Variants in UBQLN1 observed in about 807,000 individuals in gnomAD.
UBQLN1 encodes ubiquilin-1.
A neutral mutation model predicts 65.4 loss-of-function variants in UBQLN1; 13 were observed. The ratio of observed to expected loss-of-function variants is 0.20; its 90% CI spans 0.13 to 0.32. The LOEUF (loss-of-function observed/expected upper bound fraction) is 0.32, where lower values mean the gene tolerates loss of function less well. UBQLN1 is among the 10% of genes least tolerant of loss of function. The probability of loss-of-function intolerance (pLI) is 1.00; values close to 1 mark genes in which losing one functional copy is unlikely to be tolerated. For missense variants in UBQLN1, 561 were observed against 724.0 expected (o/e 0.77, Z 2.58); for synonymous variants, 267 against 247.8 (o/e 1.08, Z -0.73).
At chr9:83,699,030 T>C (rs918658546) in intron 1 of UBQLN1, among the ~76,000 whole-genome samples, 4 of 152,140 alleles carry the variant, frequency 2.6e-5, no homozygotes, top group African/African-American at 9.7e-5. Context: ...ATTCCACTTA[T>C]ATGAAATACC....
At chr9:83,665,319 C>T (rs529505722) in intron 8 of UBQLN1, 174 bp from the exon 9 acceptor site, 38 of 476,576 alleles carry the variant, frequency 8.0e-5, no homozygotes, top group African/African-American at 7.0e-4. Flanking sequence ...TGACAGCAAA[C>T]CTAGTGTGCA....
intron 6 of UBQLN1, among the ~76,000 whole-genome samples, chr9:83,676,751 A>T (rs1451509542): frequency 6.6e-6 from 1 of 152,182 alleles, no homozygotes; most frequent in Non-Finnish European, 1.5e-5. Context: ...AAGTACAGGC[A>T]TCTTTTAAAA....
rs1283886321 is a variant in UBQLN1, at chr9:83,668,096, A to G, written c.1248+1089T>C. 4 of 985,378 alleles carry G rather than the reference A, an allele frequency of 4.1e-6. No individual in the cohort carries two copies. In the East Asian group the frequency reaches 3.4e-4, roughly 84 times the overall value. 61.0% of individuals were successfully genotyped at this position (985,378 alleles called of 1,614,324 possible). On this transcript the variant is annotated intron_variant, in intron 7 of 10. Coordinates refer to ENST00000376395, the MANE Select transcript of UBQLN1 (RefSeq NM_013438.5). ...GTAAATTGAAGCATTTAATACTAAC[A>G]ACTCAGTCTGATAAGTTTCATATGC...
chr9:83,662,009 T>A (rs1207394572), intron 10 of UBQLN1, 70 bp from the exon 11 acceptor site: 4 of 1,455,860 alleles, frequency 2.7e-6, no homozygotes, highest in African/African-American at 1.4e-5. Flanking sequence ...ACTTTTAAAA[T>A]TTTTTAATTG....
intron 1 of UBQLN1, among the ~76,000 whole-genome samples, chr9:83,702,732 G>A (rs931270892): frequency 3.9e-5 from 6 of 152,094 alleles, no homozygotes; most frequent in African/African-American, 7.2e-5. Context: ...CCACATGTGG[G>A]TGATGGTATC....
intron 2 of UBQLN1, among the ~76,000 whole-genome samples, chr9:83,683,455 C>A (rs1331817747): frequency 7.5e-5 from 11 of 146,854 alleles, no homozygotes; most frequent in Non-Finnish European, 1.5e-4. Flanking sequence ...GAAATCCTGA[C>A]ATCTAGAAAT....
intron 6 of UBQLN1, among the ~76,000 whole-genome samples, chr9:83,677,267 A>G (rs1777186535): frequency 6.6e-6 from 1 of 152,228 alleles, no homozygotes; most frequent in African/African-American, 2.4e-5. Context: ...AGCTTCCTTT[A>G]AAAAACAAAA....
intron 1 of UBQLN1, among the ~76,000 whole-genome samples, chr9:83,694,900 C>G (rs189200909): frequency 6.6e-6 from 1 of 152,168 alleles, no homozygotes; most frequent in East Asian, 1.9e-4. Context: ...GCTCCTTACC[C>G]ATCATCAGAT....
intron 6 of UBQLN1, among the ~76,000 whole-genome samples, chr9:83,673,262 G>C (rs911574025): frequency 6.6e-6 from 1 of 150,792 alleles, no homozygotes; most frequent in African/African-American, 2.4e-5. Context: ...TTTTTGGTCG[G>C]GTGCAGTGAC....
intron 6 of UBQLN1, among the ~76,000 whole-genome samples, chr9:83,675,022 G>T (rs1221478968): frequency 2.6e-5 from 4 of 152,158 alleles, no homozygotes; most frequent in Non-Finnish European, 5.9e-5. Context: ...TTATTCATCA[G>T]TAGGTACTCT....
At chr9:83,684,426 C>T (rs978671371) in intron 2 of UBQLN1, among the ~76,000 whole-genome samples, 2 of 151,964 alleles carry the variant, frequency 1.3e-5, no homozygotes, top group Non-Finnish European at 2.9e-5. Flanking sequence ...AACTCCTGAC[C>T]TCAGGTGATC....
chr9:83,681,951 T>C (rs951263493), intron 3 of UBQLN1, among the ~76,000 whole-genome samples: 6 of 152,190 alleles, frequency 3.9e-5, no homozygotes, highest in African/African-American at 1.4e-4. Context: ...TACAAACCGG[T>C]AAAAAGCGTA....
Position 83,663,809 on chromosome 9 carries a change from C to T in UBQLN1, c.1617+66G>A. The T allele has an allele frequency of 7.2e-6, 11 of 1,537,330 alleles. No homozygotes were observed. In the Admixed American group the frequency reaches 1.0e-4, roughly 15 times the overall value. On this transcript the variant is annotated intron_variant, in intron 10 of 10. Coordinates refer to ENST00000376395, the MANE Select transcript of UBQLN1 (RefSeq NM_013438.5). ...TTTCCTTTTTTCTCCCTTTTTCCTT[C>T]TTTTTGGAAATTTCTAAATTTCCAA... is the stretch of plus-strand genomic sequence containing the variant.
intron 6 of UBQLN1, among the ~76,000 whole-genome samples, chr9:83,676,823 C>A (rs376599312): frequency 1.3e-5 from 2 of 152,186 alleles, no homozygotes; most frequent in African/African-American, 4.8e-5. Context: ...CCTACTTATA[C>A]GCCAAGTATT....
chr9:83,664,946 A>AG (rs1196386726), intron 9 of UBQLN1, 84 bp downstream of exon 9: 1 of 697,800 alleles, frequency 1.4e-6, no homozygotes, highest in Non-Finnish European at 2.2e-6. Flanking sequence ...AAAAAAAAAA[A>AG]GGCAGGCAGA....
intron 1 of UBQLN1, among the ~76,000 whole-genome samples, chr9:83,701,977 G>A (rs892258146): frequency 2.6e-5 from 4 of 152,124 alleles, no homozygotes; most frequent in South Asian, 2.1e-4. Flanking sequence ...AATGTTATTC[G>A]GCAATAAAAA....
intron 4 of UBQLN1, among the ~76,000 whole-genome samples, 189 bp downstream of exon 4, chr9:83,679,586 C>T (rs1831906037): frequency 1.3e-5 from 2 of 152,268 alleles, no homozygotes; most frequent in African/African-American, 2.4e-5. Flanking sequence ...TTACAAAGAT[C>T]CTTCAATTTA....
At chr9:83,683,170 T>TG in intron 2 of UBQLN1, 104 bp from the exon 3 acceptor site, 1 of 673,450 alleles carries the variant, frequency 1.5e-6, no homozygotes, top group Non-Finnish European at 2.5e-6. Flanking sequence ...CCCAGCACTT[T>TG]GGGAGGCCGA....
At chr9:83,690,745 C>CAAA (rs34407853) in intron 1 of UBQLN1, among the ~76,000 whole-genome samples, 2 of 146,480 alleles carry the variant, frequency 1.4e-5, no homozygotes, top group Non-Finnish European at 1.5e-5. Flanking sequence ...GACTCTGTCT[C>CAAA]AAAAAAAAAA....
Sources: allele counts gnomAD v4.1 joint callset (sites outside exome capture counted in the v4.1 genomes callset), GRCh38; gene constraint gnomAD v4.1.1; transcripts MANE v1.5; gene names NCBI Gene and HGNC (gene_info 2026-07-23, HGNC 2026-07-21).